KCNIP4: variants seen among roughly 807,000 people sequenced by gnomAD.
The protein encoded by KCNIP4 is potassium voltage-gated channel interacting protein 4.
A neutral mutation model predicts 34.0 loss-of-function variants in KCNIP4; 12 were observed. That is an observed-to-expected ratio of 0.35 (90% CI 0.23 to 0.57). KCNIP4 has a LOEUF of 0.57. Ranked by LOEUF, KCNIP4 falls within the 20% of genes least tolerant of loss-of-function variation. The pLI is 0.83. For synonymous variants in KCNIP4, 124 were observed against 102.2 expected (o/e 1.21, Z -1.29); for missense variants, 238 against 311.7 (o/e 0.76, Z 1.78).
At chr4:21,638,413 G>C (rs542747593) in intron 1 of KCNIP4, among the ~76,000 whole-genome samples, 14 of 152,148 alleles carry the variant, frequency 9.2e-5, no homozygotes, top group African/African-American at 2.9e-4. Flanking sequence ...TCTATTTTTG[G>C]GGGTATCCTT....
chr4:21,867,403 A>C (rs1028541867), intron 1 of KCNIP4, among the ~76,000 whole-genome samples: 5 of 152,218 alleles, frequency 3.3e-5, no homozygotes, highest in African/African-American at 1.2e-4. Context: ...TCTTGATATG[A>C]ATTACTAGAG....
At chr4:21,386,707 G>A (rs1722065722) in intron 1 of KCNIP4, among the ~76,000 whole-genome samples, 1 of 152,104 alleles carries the variant, frequency 6.6e-6, no homozygotes, top group Non-Finnish European at 1.5e-5. Context: ...CATTCCTCAG[G>A]TGAGGGAGGG....
In KCNIP4 at chr4:21,806,156, G is replaced by A. The variant is rs574639914; in HGVS notation, c.61+142415C>T. On this transcript the variant is annotated intron_variant, in intron 1 of 8. Coordinates refer to ENST00000382152, the MANE Select transcript of KCNIP4 (RefSeq NM_025221.6). ...TATATACTCTGGACCTCTTCCAAAC[G>A]AAGCTGCATTAGAGGCTTCAGGTCA... 2.4e-4 allele frequency among the ~76,000 whole-genome samples: 37 copies of A among 152,202 alleles called. 1 individual carries two copies. Among genetic ancestry groups the A allele is most frequent in the African/African-American group, 5.5e-4 (23 of 41,532 alleles).
chr4:21,387,693 G>A (rs986587879), intron 1 of KCNIP4, among the ~76,000 whole-genome samples: 1 of 152,148 alleles, frequency 6.6e-6, no homozygotes, highest in South Asian at 2.1e-4. Context: ...TTTGTGGACA[G>A]TGGAGTTTCA....
At chr4:21,302,723 C>G (rs775501372) in intron 1 of KCNIP4, among the ~76,000 whole-genome samples, 2 of 152,056 alleles carry the variant, frequency 1.3e-5, no homozygotes, top group African/African-American at 2.4e-5. Flanking sequence ...CATCCCCCGC[C>G]CCATGAGTTA....
At chr4:20,758,124 T>A (rs542738502) in intron 4 of KCNIP4, among the ~76,000 whole-genome samples, 84 of 152,154 alleles carry the variant, frequency 5.5e-4, no homozygotes, top group Non-Finnish European at 1.1e-3. Flanking sequence ...GGGACAAATA[T>A]AAGTTGGGCA....
intron 1 of KCNIP4, among the ~76,000 whole-genome samples, chr4:21,947,456 G>C (rs146814885): frequency 1.3e-3 from 194 of 152,312 alleles, no homozygotes; most frequent in African/African-American, 4.5e-3. Context: ...ATTCAAGTGA[G>C]ACTAGTGTCC....
intron 3 of KCNIP4, among the ~76,000 whole-genome samples, chr4:20,823,513 G>A (rs1458353487): frequency 2.6e-5 from 4 of 152,098 alleles, no homozygotes; most frequent in Non-Finnish European, 5.9e-5. Context: ...ATTAGGTCAT[G>A]AGGGTGTAGC....
chr4:21,467,488 C>G (rs1730091461), intron 1 of KCNIP4, among the ~76,000 whole-genome samples: 1 of 152,062 alleles, frequency 6.6e-6, no homozygotes, highest in South Asian at 2.1e-4. Context: ...CACTTGAGGG[C>G]TACGGGGTTA....
At chr4:20,871,899 A>C (rs1387589750) in intron 2 of KCNIP4, among the ~76,000 whole-genome samples, 1 of 152,180 alleles carries the variant, frequency 6.6e-6, no homozygotes, top group Non-Finnish European at 1.5e-5. Context: ...TTATTAAGTG[A>C]AAAGAGTTGG....
intron 1 of KCNIP4, among the ~76,000 whole-genome samples, chr4:21,838,723 G>T (rs1174804506): frequency 1.3e-5 from 2 of 151,992 alleles, no homozygotes; most frequent in African/African-American, 2.4e-5. Context: ...GTATACATTT[G>T]TATCTATAGG....
At chr4:21,112,049 C>CTATCTATCTATCTATCCATCTATA (rs1749248248) in intron 1 of KCNIP4, among the ~76,000 whole-genome samples, 1 of 151,708 alleles carries the variant, frequency 6.6e-6, no homozygotes, top group Non-Finnish European at 1.5e-5. Context: ...ATCTATCTAT[C>CTATCTATCTATCTATCCATCTATA]TATCTATCTA....
At chr4:21,479,871 A>G (rs1240754388) in intron 1 of KCNIP4, among the ~76,000 whole-genome samples, 3 of 151,998 alleles carry the variant, frequency 2.0e-5, no homozygotes, top group South Asian at 2.1e-4. Context: ...GAAATTATCA[A>G]TAACAAAAAT....
chr4:21,613,599 A>T (rs1310318862), intron 1 of KCNIP4: 1 of 152,246 alleles, frequency 6.6e-6, no homozygotes, highest in South Asian at 2.1e-4. Context: ...TAAGCCACTA[A>T]ATTTTGAGGT....
intron 1 of KCNIP4, among the ~76,000 whole-genome samples, chr4:21,030,456 A>G (rs370279211): frequency 2.0e-5 from 3 of 152,186 alleles, no homozygotes; most frequent in East Asian, 3.9e-4. Context: ...TGCACAATAA[A>G]TGTAATGTGC....
intron 1 of KCNIP4, among the ~76,000 whole-genome samples, chr4:21,349,642 C>A (rs181728338): frequency 6.6e-6 from 1 of 152,086 alleles, no homozygotes; most frequent in Non-Finnish European, 1.5e-5. Flanking sequence ...ACTAGTTATA[C>A]CCCAAGGAAC....
At chr4:20,754,282 G>A (rs1178213926) in intron 4 of KCNIP4, among the ~76,000 whole-genome samples, 1 of 152,152 alleles carries the variant, frequency 6.6e-6, no homozygotes. Context: ...AAAGCTAACA[G>A]CCTGACACAA....
rs1728328711 is a variant in KCNIP4, at chr4:21,449,499, C to G, written c.61+499072G>C. 1.3e-5 allele frequency among the ~76,000 whole-genome samples: 2 copies of G among 152,008 alleles called. 1 individual carries two copies. Among genetic ancestry groups the G allele is most frequent in the South Asian group, 4.1e-4 (2 of 4,826 alleles). On this transcript the variant is annotated intron_variant, in intron 1 of 8. Transcript: ENST00000382152. ...AATTTGTTATAGCAGCCACAGAAAA[C>G]TAATGCAGTGAGAAGCACTTTTTTA... is the stretch of plus-strand genomic sequence containing the variant.
chr4:20,979,544 G>T (rs1031480114), intron 1 of KCNIP4, among the ~76,000 whole-genome samples: 8 of 151,894 alleles, frequency 5.3e-5, no homozygotes, highest in Admixed American at 3.3e-4. Context: ...GACTACCGGC[G>T]CCCGCCACCT....
Sources: allele counts gnomAD v4.1 joint callset (sites outside exome capture counted in the v4.1 genomes callset), GRCh38; gene constraint gnomAD v4.1.1; transcripts MANE v1.5; gene names NCBI Gene and HGNC (gene_info 2026-07-23, HGNC 2026-07-21).